The following STAU1 variants were observed in gnomAD, a reference collection of about 807,000 sequenced individuals.
STAU1 encodes staufen double-stranded RNA binding protein 1.
In STAU1, 13 loss-of-function variants were observed where a neutral mutation model predicts 62.9. That is an observed-to-expected ratio of 0.21 (90% confidence interval 0.13 to 0.33). STAU1 has a LOEUF of 0.33. STAU1 is among the 10% of genes least tolerant of loss of function. The pLI is 1.00. For missense variants in STAU1, 571 were observed against 712.1 expected (o/e 0.80, Z 2.25); for synonymous variants, 269 against 265.1 (o/e 1.01, Z -0.14).
chr20:49,114,096 C>T lies in STAU1; in HGVS notation c.*782G>A, dbSNP rs570215406. ...ACCAGAGGGCACACAATTTGCATCA[C>T]TGAAACTGTCCTGGGTTAGTCAATG... On this transcript the variant is annotated 3_prime_UTR_variant, in exon 14 of 14. Coordinates refer to ENST00000371856, the MANE Select transcript of STAU1 (RefSeq NM_017453.4). 6.5e-6 allele frequency: 1 copy of T among 152,724 alleles called. No individual in the cohort carries two copies. The highest frequency in any genetic ancestry group is 2.1e-4 in the South Asian group (1 of 4,826). The allele number at this position is 152,724 out of a possible 1,614,324, so 9.5% of individuals were successfully genotyped here. A position where few individuals can be genotyped will look rare whatever the true frequency, so the allele number is the denominator to read the frequency against.
chr20:49,196,181 A>G, the STAU1 span, among the ~76,000 whole-genome samples: 1 of 151,028 alleles, frequency 6.6e-6, no homozygotes, highest in African/African-American at 2.4e-5. Flanking sequence ...TCACGCCTGT[A>G]ATCCCAGCAC....
At chr20:49,196,229 G>A in the STAU1 span, among the ~76,000 whole-genome samples, 10 of 151,516 alleles carry the variant, frequency 6.6e-5, no homozygotes, top group Non-Finnish European at 1.5e-4. Flanking sequence ...GAGGTCAGGA[G>A]ATCAAGACCA....
At chr20:49,188,698 T>G (rs1419516812), upstream of STAU1, among the ~76,000 whole-genome samples, 3 of 152,236 alleles carry the variant, frequency 2.0e-5, no homozygotes, top group Non-Finnish European at 4.4e-5. Context: ...TTCTTCCTCT[T>G]GTCCTGCCTC....
chr20:49,180,337 C>CA (rs941353369), intron 1 of STAU1, among the ~76,000 whole-genome samples: 5 of 150,784 alleles, frequency 3.3e-5, no homozygotes, highest in Non-Finnish European at 7.4e-5. Flanking sequence ...TTTTTTCCCC[C>CA]CCTGGATACA....
chr20:49,165,754 G>A lies in STAU1; in HGVS notation c.205+243C>T, dbSNP rs143933169. Among the ~76,000 whole-genome samples the A allele has an allele frequency of 1.9e-4, 29 of 152,322 alleles. No individual in the cohort carries two copies. In the East Asian group the frequency reaches 5.2e-3, roughly 27 times the overall value. On this transcript the variant is annotated intron_variant, in intron 3 of 13. Transcript: ENST00000371856. The stretch of plus-strand genomic sequence containing the variant: ...GCTCTTTAACAGATGAGGCTTTATA[G>A]TGTGAGTAGTTTTCAGCTTTCAATT...
At chr20:49,163,105 T>A (rs565890094) in intron 3 of STAU1, among the ~76,000 whole-genome samples, 1 of 151,944 alleles carries the variant, frequency 6.6e-6, no homozygotes, top group African/African-American at 2.4e-5. Flanking sequence ...GGCAGGAGAA[T>A]TGCTTGAACC....
Position 49,114,592 on chromosome 20 carries a change from C to G in STAU1, c.*286G>C. 2 of 414,566 alleles carry G rather than the reference C, an allele frequency of 4.8e-6. No individual in the cohort carries two copies. Among genetic ancestry groups the G allele is most frequent in the South Asian group, 5.6e-5 (1 of 17,878 alleles). The allele number at this position is 414,566 out of a possible 1,614,324, so 25.7% of individuals were successfully genotyped here. On this transcript the variant is annotated 3_prime_UTR_variant, in exon 14 of 14. Transcript: ENST00000371856. ...GCCCAGGGTGTGGATCTGCTGGTGT[C>G]CCGGGAGAACCAGCTGGCTGGGCAG...
At chr20:49,166,946 T>A (rs1437302210) in intron 2 of STAU1, among the ~76,000 whole-genome samples, 1 of 152,148 alleles carries the variant, frequency 6.6e-6, no homozygotes, top group Non-Finnish European at 1.5e-5. Flanking sequence ...AGAAGTGATG[T>A]GAGTAACAAA....
chr20:49,115,992 GTAC>G, intron 12 of STAU1, 125 bp from the exon 13 acceptor site: 4 of 668,832 alleles, frequency 6.0e-6, no homozygotes, highest in Non-Finnish European at 1.0e-5. Flanking sequence ...TTCAACTCTG[GTAC>G]TACTAAATAA....
intron 5 of STAU1, among the ~76,000 whole-genome samples, chr20:49,144,892 T>A (rs1053170483): frequency 6.6e-6 from 1 of 152,140 alleles, no homozygotes; most frequent in Non-Finnish European, 1.5e-5. Context: ...ATTGAAATAA[T>A]TATGTGGAAT....
At chr20:49,192,345 CAAAAA>C (rs575816817), upstream of STAU1, among the ~76,000 whole-genome samples, 1 of 67,648 alleles carries the variant, frequency 1.5e-5, no homozygotes, top group South Asian at 4.3e-4. Flanking sequence ...GACTCCATCT[CAAAAA>C]AAAAAAAAAA....
intron 7 of STAU1, 49 bp downstream of exon 7, chr20:49,124,326 C>T (rs2145885579): frequency 6.9e-6 from 11 of 1,583,880 alleles, no homozygotes; most frequent in Non-Finnish European, 7.8e-6. Flanking sequence ...AAACCCCCCA[C>T]CCATCTATAA....
rs185155359 is a variant in STAU1 at position 49,123,633 on chromosome 20, A to T, written c.823-398T>A. Among the ~76,000 whole-genome samples, 547 of 152,270 alleles carry T rather than the reference A, an allele frequency of 3.6e-3. 4 individuals are homozygous for T. Among genetic ancestry groups the T allele is most frequent in the African/African-American group, 0.013 (529 of 41,548 alleles). Reference sequence around the variant, plus strand: ...CTCAAAATCCAGGAACCACTTTTTTAAAAAAGCTCAAGCTGATGCCACATG... The same window carrying T: ...CTCAAAATCCAGGAACCACTTTTTTTAAAAAGCTCAAGCTGATGCCACATG... On this transcript the variant is annotated intron_variant, in intron 7 of 13. Coordinates refer to ENST00000371856, the MANE Select transcript of STAU1 (RefSeq NM_017453.4).
At chr20:49,140,518 C>T (rs6019655) in intron 5 of STAU1, among the ~76,000 whole-genome samples, 2 of 151,940 alleles carry the variant, frequency 1.3e-5, no homozygotes, top group Admixed American at 1.3e-4. Context: ...AGAGACGAAC[C>T]TTGAAAACAT....
intron 5 of STAU1, among the ~76,000 whole-genome samples, chr20:49,138,014 G>T (rs917939631): frequency 2.6e-5 from 4 of 152,032 alleles, no homozygotes; most frequent in Non-Finnish European, 5.9e-5. Flanking sequence ...GCTGGGCATG[G>T]TGGCTAGCGC....
At chr20:49,118,139 C>T in intron 10 of STAU1, 43 bp from the exon 11 acceptor site, 3 of 1,582,502 alleles carry the variant, frequency 1.9e-6, no homozygotes. Context: ...ACATCCACAG[C>T]CTGGAAAAAC....
At chr20:49,177,474 C>T (rs758296145) in intron 1 of STAU1, among the ~76,000 whole-genome samples, 99 of 151,428 alleles carry the variant, frequency 6.5e-4, no homozygotes, top group Non-Finnish European at 1.3e-3. Flanking sequence ...GTCAGGAGAT[C>T]GAGACCATCC....
upstream of STAU1, among the ~76,000 whole-genome samples, chr20:49,191,038 T>C (rs2093830576): frequency 6.6e-6 from 1 of 151,666 alleles, no homozygotes; most frequent in East Asian, 1.9e-4. Flanking sequence ...TAATTATTTT[T>C]TTTTTTTGAG....
At chr20:49,145,908 G>A (rs547617476) in intron 5 of STAU1, among the ~76,000 whole-genome samples, 21 of 151,216 alleles carry the variant, frequency 1.4e-4, no homozygotes, top group South Asian at 8.3e-4. Context: ...GTCTCTGTTA[G>A]AAAAAAATAA....
Sources: allele counts gnomAD v4.1 joint callset (sites outside exome capture counted in the v4.1 genomes callset), GRCh38; gene constraint gnomAD v4.1.1; transcripts MANE v1.5; gene names NCBI Gene and HGNC (gene_info 2026-07-23, HGNC 2026-07-21).